LUZP2: variants seen among roughly 807,000 people sequenced by gnomAD.
LUZP2 encodes the protein leucine zipper protein 2.
In LUZP2, 52 loss-of-function variants were observed where a neutral mutation model predicts 51.6. That is an observed-to-expected ratio of 1.01 (90% CI 0.81 to 1.27). The LOEUF (loss-of-function observed/expected upper bound fraction) is 1.27, where lower values mean the gene tolerates loss of function less well. Ranked by LOEUF, LUZP2 falls within the 50% of genes most tolerant of loss-of-function variation. The pLI is 0.00. For synonymous variants in LUZP2, 154 were observed against 137.3 expected, an observed-to-expected ratio of 1.12 and a Z score of -0.85; for missense variants, 436 against 395.4, an observed-to-expected ratio of 1.10 and a Z score of -0.87.
intron 9 of LUZP2, among the ~76,000 whole-genome samples, chr11:25,019,765 G>A (rs1467937950): frequency 2.0e-5 from 3 of 151,980 alleles, no homozygotes; most frequent in Non-Finnish European, 2.9e-5. Flanking sequence ...TTAAACTGCC[G>A]TTATGGGAGC....
At chr11:24,744,513 G>C (rs1053657783) in intron 4 of LUZP2, among the ~76,000 whole-genome samples, 2 of 152,048 alleles carry the variant, frequency 1.3e-5, no homozygotes, top group African/African-American at 4.8e-5. Context: ...GTTCATAGTA[G>C]CCTTGAGTGA....
At chr11:24,995,149 G>C (rs1856454800) in intron 9 of LUZP2, among the ~76,000 whole-genome samples, 1 of 152,124 alleles carries the variant, frequency 6.6e-6, no homozygotes, top group South Asian at 2.1e-4. Flanking sequence ...AACACTTTTG[G>C]AGGCCGAGGC....
intron 1 of LUZP2, among the ~76,000 whole-genome samples, chr11:24,677,358 C>A (rs1475026499): frequency 6.6e-6 from 1 of 152,116 alleles, no homozygotes; most frequent in African/African-American, 2.4e-5. Flanking sequence ...GCTTATAAAG[C>A]CTGCATGACT....
chr11:24,588,634 A>AT (rs5790419), intron 1 of LUZP2, among the ~76,000 whole-genome samples: 146,187 of 151,274 alleles, frequency 0.97, 70,656 homozygotes, highest in Non-Finnish European at 1. Flanking sequence ...TAAAGGAATA[A>AT]TTTTTTCCCA....
chr11:24,606,713 T>C (rs1035718112), intron 1 of LUZP2, among the ~76,000 whole-genome samples: 1 of 152,068 alleles, frequency 6.6e-6, no homozygotes, highest in Non-Finnish European at 1.5e-5. Flanking sequence ...TTTAAATTTT[T>C]GAGGAAACTT....
In LUZP2 at chr11:24,983,201, C is replaced by T; in HGVS notation, c.673C>T (p.Pro225Ser). The change falls in exon 9 of 12, where the codon CCT becomes TCT. Residue 225 changes from proline to serine, a missense_variant. Pro to Ser is a moderately conservative substitution (Grantham distance 74, BLOSUM62 -1). Transcript: ENST00000336930. ...TSVFRDQPPP[P>S]LSLITSNPTR... is the part of the protein sequence containing the mutation. ...TGTTTTCCGTGATCAGCCTCCTCCCCCTTTGAGTTTAATCACATCAAATCC... is the reference window on the plus strand; with the variant it reads ...TGTTTTCCGTGATCAGCCTCCTCCCTCTTTGAGTTTAATCACATCAAATCC... The T allele has an allele frequency of 3.7e-6, 6 of 1,612,272 alleles. No individual in the cohort carries two copies. The highest frequency in any genetic ancestry group is 2.2e-5 in the South Asian group (2 of 91,028).
intron 9 of LUZP2, among the ~76,000 whole-genome samples, chr11:25,021,177 A>G (rs542864469): frequency 6.6e-6 from 1 of 152,202 alleles, no homozygotes; most frequent in Non-Finnish European, 1.5e-5. Flanking sequence ...ATAAATGATA[A>G]CCATGACAAA....
chr11:24,558,305 T>C (rs1273011575), intron 1 of LUZP2, among the ~76,000 whole-genome samples: 1 of 152,166 alleles, frequency 6.6e-6, no homozygotes, highest in Middle Eastern at 3.2e-3. Flanking sequence ...TTCTCCAGCC[T>C]GCAGGCAGTC....
At chr11:24,768,316 G>T (rs960370421) in intron 5 of LUZP2, among the ~76,000 whole-genome samples, 2 of 152,002 alleles carry the variant, frequency 1.3e-5, no homozygotes, top group Non-Finnish European at 2.9e-5. Context: ...TGTCATGTTG[G>T]CCAGGCTGGT....
Position 25,078,583 on chromosome 11 carries a change from T to C in LUZP2, c.966T>C (p.Cys322=), listed in dbSNP as rs1280648752. The change falls in exon 12 of 12, where the codon TGT becomes TGC. Residue 322 remains cysteine (C), a synonymous_variant. Transcript: ENST00000336930. ...TGCAAATGCCTCCTTGCTCTGAATG[T>C]GAGGTGAAAAAAGCCCCAGAAAAAC... is the stretch of plus-strand genomic sequence containing the variant. The part of the protein sequence containing the change: ...QKLQMPPCSE[C]EVKKAPEKPL... 1.9e-6 allele frequency: 3 copies of C among 1,612,514 alleles called. No homozygotes were observed. The African/African-American group carries it at 4.0e-5, about 22-fold the overall frequency.
At chr11:24,765,415 A>T (rs1860145880) in intron 5 of LUZP2, among the ~76,000 whole-genome samples, 1 of 152,126 alleles carries the variant, frequency 6.6e-6, no homozygotes, top group African/African-American at 2.4e-5. Flanking sequence ...GTGCCAAAAG[A>T]TGAAGGCTAA....
chr11:24,565,819 G>A (rs1319070544), intron 1 of LUZP2, among the ~76,000 whole-genome samples: 1 of 152,040 alleles, frequency 6.6e-6, no homozygotes, highest in African/African-American at 2.4e-5. Flanking sequence ...TAACTGAAAA[G>A]CAACAATCTA....
In LUZP2 at chr11:24,653,615, A is replaced by T. The variant is rs559928423; in HGVS notation, c.63-75554A>T. The stretch of plus-strand genomic sequence containing the variant: ...GATTAGTTGAGATAGTCTAGAGCAT[A>T]AGAGTGAACAGAATAGGGATGAATT... On this transcript the variant is annotated intron_variant, in intron 1 of 11. Transcript: ENST00000336930. 4.6e-5 allele frequency among the ~76,000 whole-genome samples: 7 copies of T among 152,292 alleles called. No homozygotes were observed. The East Asian group carries it at 1.4e-3, about 29-fold the overall frequency.
chr11:24,614,685 C>T (rs1309193673), intron 1 of LUZP2, among the ~76,000 whole-genome samples: 1 of 151,900 alleles, frequency 6.6e-6, no homozygotes, highest in Admixed American at 6.6e-5. Context: ...GAAAACTTTT[C>T]CTCGAGAAGG....
chr11:24,637,492 G>A (rs1331690888), intron 1 of LUZP2, among the ~76,000 whole-genome samples: 1 of 151,802 alleles, frequency 6.6e-6, no homozygotes, highest in Admixed American at 6.6e-5. Flanking sequence ...ACTGCCTGTG[G>A]GGTCGGGCAG....
At chr11:25,012,745 G>T (rs1366528843) in intron 9 of LUZP2, among the ~76,000 whole-genome samples, 1 of 152,204 alleles carries the variant, frequency 6.6e-6, no homozygotes, top group Non-Finnish European at 1.5e-5. Context: ...TGAGGATGCA[G>T]AGAAAAGGTA....
At chr11:24,623,015 C>T (rs1212724730) in intron 1 of LUZP2, among the ~76,000 whole-genome samples, 2 of 152,062 alleles carry the variant, frequency 1.3e-5, no homozygotes, top group African/African-American at 4.8e-5. Context: ...CATCAATTTC[C>T]ATTCCGCCCC....
intron 9 of LUZP2, among the ~76,000 whole-genome samples, chr11:25,041,494 G>T (rs1858058520): frequency 6.6e-6 from 1 of 151,854 alleles, no homozygotes; most frequent in Admixed American, 6.6e-5. Context: ...CTTCATCTTG[G>T]TCAGAAATAA....
chr11:24,515,108 G>C (rs115161340), intron 1 of LUZP2, among the ~76,000 whole-genome samples: 1 of 152,266 alleles, frequency 6.6e-6, no homozygotes, highest in Non-Finnish European at 1.5e-5. Context: ...GTTTAGAACC[G>C]GAAAGTTCAT....
Sources: gnomAD v4.1 joint callset for allele counts (sites outside exome capture counted in the v4.1 genomes callset) on GRCh38, gnomAD v4.1.1 for gene constraint, MANE v1.5 for transcripts, NCBI Gene and HGNC (gene_info 2026-07-23, HGNC 2026-07-21) for gene names.